NOL11: variants seen among roughly 807,000 people sequenced by gnomAD.
The protein encoded by NOL11 is nucleolar protein 11.
A neutral mutation model predicts 93.0 loss-of-function variants in NOL11; 42 were observed. That is an observed-to-expected ratio of 0.45 (90% CI 0.35 to 0.58). The LOEUF (loss-of-function observed/expected upper bound fraction) is 0.58. Among genes scored for constraint, NOL11 ranks in the 20% least tolerant of loss-of-function variants. The pLI is 0.00. For synonymous variants in NOL11, 296 were observed against 293.7 expected, an observed-to-expected ratio of 1.01 and a Z score of -0.08; for missense variants, 775 against 841.8, an observed-to-expected ratio of 0.92 and a Z score of 0.98.
At chr17:67,740,927 A>C (rs2143144675) in intron 16 of NOL11, 1 of 152,602 alleles carries the variant, frequency 6.6e-6, no homozygotes, top group African/African-American at 2.4e-5. Flanking sequence ...TCAAGAAGGC[A>C]AGGTCTCGCT....
chr17:67,737,182 C>G, intron 11 of NOL11, 37 bp downstream of exon 11: 1 of 1,278,558 alleles, frequency 7.8e-7, no homozygotes, highest in East Asian at 2.3e-5. Flanking sequence ...AAATCAAACT[C>G]AAGTGTTCCA....
At chr17:67,725,054 G>A (rs1299484671) in intron 6 of NOL11, among the ~76,000 whole-genome samples, 1 of 152,058 alleles carries the variant, frequency 6.6e-6, no homozygotes, top group East Asian at 1.9e-4. Context: ...CGAGACTCGA[G>A]ACTCGTCTCA....
In NOL11 at chr17:67,736,848, T is replaced by C. The variant is rs1599046281; in HGVS notation, c.1143+94T>C. 5 of 937,304 alleles carry C rather than the reference T, an allele frequency of 5.3e-6. No homozygotes were observed. The East Asian group carries it at 1.3e-4, about 24-fold the overall frequency. 58.1% of individuals were successfully genotyped at this position (937,304 alleles called of 1,614,324 possible). A position where few individuals can be genotyped will look rare whatever the true frequency, so the allele number is the denominator to read the frequency against. On this transcript the variant is annotated intron_variant, in intron 10 of 17. Transcript: ENST00000253247. ...TAATGAATCATATCCTTACAACTCT[T>C]AGAGCTTTGACTATAATGACAGGAC...
rs758329724 is a variant in NOL11, at chr17:67,737,647, G to A, written c.1358G>A (p.Arg453Gln). Residue 453 changes from arginine to glutamine, a missense_variant, in exon 12 of 18, where the codon CGG becomes CAG. By Grantham distance (43) the Arg-to-Gln change is conservative (BLOSUM62 1). Around this residue, in one of 2 missense-constraint regions of NOL11, gnomAD observed 416 missense variants for 525.2 expected, o/e 0.79. Coordinates refer to ENST00000253247, the MANE Select transcript of NOL11 (RefSeq NM_015462.5). The part of the protein sequence containing the change: ...RCKAEPSFYP[R>Q]NCLMQLIQTH... ...AAAGCAGAACCATCATTTTATCCCC[G>A]GAACTGTCTGATGCAGCTTATCCAA... 2.1e-5 allele frequency: 34 copies of A among 1,613,942 alleles called. No individual in the cohort carries two copies. Among genetic ancestry groups the A allele is most frequent in the Non-Finnish European group, 2.5e-5 (29 of 1,180,008 alleles).
Position 67,717,987 on chromosome 17 carries a change from G to C in NOL11, c.40G>C (p.Val14Leu). 6.2e-7 allele frequency: 1 copy of C among 1,614,262 alleles called. No homozygotes were observed. The highest frequency in any genetic ancestry group is 8.5e-7 in the Non-Finnish European group (1 of 1,180,044). The change falls in exon 1 of 18, where the codon GTC (valine) becomes CTC (leucine). Residue 14 changes from valine (V) to leucine (L), a missense_variant. By Grantham distance (32) the Val-to-Leu change is conservative (BLOSUM62 1). Coordinates refer to ENST00000253247, the MANE Select transcript of NOL11 (RefSeq NM_015462.5). Reference sequence around the variant, plus strand: ...GGAAGAATTCACGTTGTCTTCGGTAGTCCTGAGCGCCGGGCCTGAAGGACT... The same window carrying C: ...GGAAGAATTCACGTTGTCTTCGGTACTCCTGAGCGCCGGGCCTGAAGGACT... ...LEEEFTLSSV[V>L]LSAGPEGLLG...
chr17:67,722,453 G>A, intron 4 of NOL11, 127 bp from the exon 5 acceptor site: 2 of 1,389,044 alleles, frequency 1.4e-6, no homozygotes, highest in Non-Finnish European at 1.9e-6. Flanking sequence ...GCCCAATTAA[G>A]TGTTCTCTGA....
chr17:67,737,260 T>C (rs2055211111), intron 11 of NOL11, 115 bp downstream of exon 11: 1 of 732,700 alleles, frequency 1.4e-6, no homozygotes, highest in Non-Finnish European at 2.3e-6. Context: ...AGCTAACATC[T>C]TGTAGTATCT....
intron 7 of NOL11, among the ~76,000 whole-genome samples, chr17:67,729,096 TG>T (rs1017907558): frequency 1.1e-4 from 6 of 55,292 alleles, no homozygotes; most frequent in African/African-American, 3.5e-4. Flanking sequence ...TTTTTGTTGT[TG>T]TTGTTTTTTT....
At chr17:67,718,246 A>G (rs757024097) in intron 1 of NOL11, among the ~76,000 whole-genome samples, 158 bp downstream of exon 1, 2 of 152,178 alleles carry the variant, frequency 1.3e-5, no homozygotes, top group African/African-American at 2.4e-5. Context: ...GAGGTCTGGA[A>G]TCTGGCTTGC....
intron 17 of NOL11, 51 bp from the exon 18 acceptor site, chr17:67,743,692 G>A (rs1245326914): frequency 8.2e-7 from 1 of 1,225,766 alleles, no homozygotes; most frequent in East Asian, 2.4e-5. Flanking sequence ...TGGAAGATTT[G>A]TTTCTATGTA....
chr17:67,725,670 C>A lies in NOL11; in HGVS notation c.665-790C>A, dbSNP rs529625492. On this transcript the variant is annotated intron_variant, in intron 6 of 17. Transcript: ENST00000253247. ...AACTTTGAAGTGAGGAAGTGTGCAC[C>A]AAAGGGTTATATAAATCTTTACGTA... Among the ~76,000 whole-genome samples, 10 of 152,164 alleles carry A rather than the reference C, an allele frequency of 6.6e-5. No homozygotes were observed. In the East Asian group the frequency reaches 1.9e-3, roughly 29 times the overall value.
At chr17:67,733,968 T>C (rs77187041) in intron 7 of NOL11, among the ~76,000 whole-genome samples, 11 of 152,290 alleles carry the variant, frequency 7.2e-5, no homozygotes, top group Admixed American at 4.6e-4. Flanking sequence ...GTGGTGTCTT[T>C]GTCCGGCTTT....
intron 1 of NOL11, among the ~76,000 whole-genome samples, chr17:67,718,688 A>G (rs2043194395): frequency 6.6e-6 from 1 of 152,234 alleles, no homozygotes; most frequent in Non-Finnish European, 1.5e-5. Flanking sequence ...AGCCTGATAG[A>G]GAACACTTTC....
chr17:67,740,412 C>G (rs2055244665), intron 16 of NOL11, among the ~76,000 whole-genome samples: 2 of 151,772 alleles, frequency 1.3e-5, no homozygotes, highest in African/African-American at 4.8e-5. Context: ...GAGTTCAAGA[C>G]CAGCCTGACC....
Position 67,719,690 on chromosome 17 carries a change from C to G in NOL11, c.158C>G (p.Pro53Arg), listed in dbSNP as rs764429218. The G allele has an allele frequency of 5.0e-6, 8 of 1,596,100 alleles. No homozygotes were observed. The highest frequency in any genetic ancestry group is 2.7e-5 in the African/African-American group (2 of 74,322). Residue 53 changes from proline to arginine, a missense_variant, in exon 2 of 18, where the codon CCC becomes CGC. Physicochemically the swap from Pro to Arg is moderately radical, Grantham distance 103. Coordinates refer to ENST00000253247, the MANE Select transcript of NOL11 (RefSeq NM_015462.5). ...TTTCATTAGGTTTCTGATCAGAAAC[C>G]CTTGGGGAGCTGGTCAGTGAAACAA... Reference protein sequence around the residue: ...VILYKVSDQKPLGSWSVKQGQ... With the variant: ...VILYKVSDQKRLGSWSVKQGQ...
At chr17:67,720,221 G>C in intron 3 of NOL11, 1 of 267,756 alleles carries the variant, frequency 3.7e-6, no homozygotes. Context: ...TGTCTTTTGT[G>C]AGAGCAAAAT....
At chr17:67,741,896 A>G (rs1426271408) in intron 16 of NOL11, among the ~76,000 whole-genome samples, 2 of 152,220 alleles carry the variant, frequency 1.3e-5, no homozygotes, top group Non-Finnish European at 2.9e-5. Flanking sequence ...TTCCTGGACC[A>G]GTAGACATAC....
chr17:67,720,941 T>C (rs1478533624), intron 3 of NOL11, among the ~76,000 whole-genome samples: 1 of 152,156 alleles, frequency 6.6e-6, no homozygotes, highest in Non-Finnish European at 1.5e-5. Context: ...TTTTAAACAG[T>C]GGGGGTTTTT....
intron 3 of NOL11, 131 bp from the exon 4 acceptor site, chr17:67,721,247 C>T (rs2043215818): frequency 5.2e-6 from 3 of 576,480 alleles, no homozygotes; most frequent in Non-Finnish European, 8.5e-6. Flanking sequence ...TGGAACCATA[C>T]ATAATTATAA....
Sources: allele counts gnomAD v4.1 joint callset (sites outside exome capture counted in the v4.1 genomes callset), GRCh38; gene constraint gnomAD v4.1.1; regional missense constraint gnomAD v4.1.1; transcripts MANE v1.5; gene names NCBI Gene and HGNC (gene_info 2026-07-23, HGNC 2026-07-21).